Variants in DECR2 observed in about 807,000 individuals in gnomAD.
DECR2 encodes the protein peroxisomal 2,4-dienoyl-CoA reductase [(3E)-enoyl-CoA-producing].
In DECR2, 34 loss-of-function variants were observed where a neutral mutation model predicts 29.2. That is an observed-to-expected ratio of 1.16 (90% CI 0.89 to 1.55). The LOEUF is 1.55. Among genes scored for constraint, DECR2 ranks in the 40% most tolerant of loss-of-function variants. The pLI is 0.00. For synonymous variants in DECR2, 224 were observed against 182.7 expected (o/e 1.23, Z -1.82); for missense variants, 485 against 425.3 (o/e 1.14, Z -1.23).
At position 410,450 on chromosome 16, in the gene DECR2, C is replaced by T; in HGVS notation, c.462+83C>T. On this transcript the variant is annotated intron_variant, in intron 5 of 8. Coordinates refer to ENST00000219481, the MANE Select transcript of DECR2 (RefSeq NM_020664.4). This position sits in a 1 kb window ranked among gnomAD's most constrained non-coding sequence, Gnocchi z 4.1. The stretch of plus-strand genomic sequence containing the variant: ...GTGAGAAGTTCTTCCGGGTGGGTGC[C>T]TTGTGCGCTCTGTGAGAAGTTCTTC... 6.4e-7 allele frequency: 1 copy of T among 1,564,342 alleles called. No individual in the cohort carries two copies. Among genetic ancestry groups the T allele is most frequent in the Non-Finnish European group, 8.7e-7 (1 of 1,154,144 alleles).
rs143501415 is a variant in DECR2, at chr16:404,819, G to A, written c.81-137G>A. The A allele has an allele frequency of 4.5e-3, 3,418 of 763,372 alleles. 104 individuals carry two copies. In the East Asian group the frequency reaches 0.066, roughly 15 times the overall value. The allele number at this position is 763,372 out of a possible 1,614,324, so 47.3% of individuals were successfully genotyped here. On this transcript the variant is annotated intron_variant, in intron 1 of 8. Coordinates refer to ENST00000219481, the MANE Select transcript of DECR2 (RefSeq NM_020664.4). ...TGATTTTTGTATTTTTAGTAGAGAC[G>A]AGGTTTTACCATATTGTCCAAGCTG...
chr16:406,003 C>G (rs1019270223), intron 2 of DECR2, among the ~76,000 whole-genome samples: 7 of 152,334 alleles, frequency 4.6e-5, no homozygotes, highest in Admixed American at 3.9e-4. Flanking sequence ...TCCTCCACGC[C>G]AGCCCCACAG....
rs2054805055 is a variant in DECR2, at chr16:410,624, C to T, written c.463-67C>T. ...CCCCGGGCCTCCCCCTGACAGCCAC[C>T]CGCTCACTGTCCTGTGACCTCCCCC... On this transcript the variant is annotated intron_variant, in intron 5 of 8. Coordinates refer to ENST00000219481, the MANE Select transcript of DECR2 (RefSeq NM_020664.4). This position sits in a 1 kb window ranked among gnomAD's most constrained non-coding sequence, Gnocchi z 4.1. 1 of 1,481,570 alleles carries T rather than the reference C, an allele frequency of 6.7e-7. No homozygotes were observed. The highest frequency in any genetic ancestry group is 1.4e-5 in the African/African-American group (1 of 72,150). 91.8% of individuals were successfully genotyped at this position (1,481,570 alleles called of 1,614,324 possible).
rs774079592 is a variant in DECR2, at chr16:410,754, G to A, written c.526G>A (p.Val176Met). The A allele has an allele frequency of 1.9e-6, 3 of 1,605,430 alleles. No individual in the cohort carries two copies. The highest frequency in any genetic ancestry group is 3.4e-5 in the Admixed American group (2 of 59,122). ...GGGGAACCGGGGGCAGGCGCTCCAG[G>A]TGCATGCAGGCTCCGCCAAGGCCGC... The part of the protein sequence containing the change: ...TLGNRGQALQ[V>M]HAGSAKAAVD... The change falls in exon 6 of 9, where the codon GTG (valine) becomes ATG (methionine). Residue 176 changes from valine (V) to methionine (M), a missense_variant. Transcript: ENST00000219481. The surrounding 1 kb of genome is among the most constrained non-coding windows in gnomAD (Gnocchi z 4.1).
rs1201961478 is a variant in DECR2, at chr16:410,613, C to A, written c.463-78C>A. ...CCCGCTCCCTGCCCCGGGCCTCCCC[C>A]TGACAGCCACCCGCTCACTGTCCTG... On this transcript the variant is annotated intron_variant, in intron 5 of 8. Transcript: ENST00000219481. The surrounding 1 kb of genome is among the most constrained non-coding windows in gnomAD (Gnocchi z 4.1). 3 of 1,445,416 alleles carry A rather than the reference C, an allele frequency of 2.1e-6. No homozygotes were observed. The highest frequency in any genetic ancestry group is 2.4e-4 in the Middle Eastern group (1 of 4,144). 89.5% of individuals were successfully genotyped at this position (1,445,416 alleles called of 1,614,324 possible).
At chr16:405,098 GA>G in intron 2 of DECR2, 74 bp downstream of exon 2, 1 of 1,570,144 alleles carries the variant, frequency 6.4e-7, no homozygotes, top group East Asian at 2.2e-5. Context: ...CCGACCCCTG[GA>G]AAGATGTTGG....
At chr16:409,040 T>C (rs2054777977) in intron 4 of DECR2, among the ~76,000 whole-genome samples, 1 of 152,042 alleles carries the variant, frequency 6.6e-6, no homozygotes, top group Non-Finnish European at 1.5e-5. Context: ...TCATATTGTT[T>C]AGACTGGTCT....
At chr16:411,629 T>G in intron 8 of DECR2, 51 bp downstream of exon 8, 1 of 1,564,838 alleles carries the variant, frequency 6.4e-7, no homozygotes, top group Non-Finnish European at 8.7e-7. Context: ...TGGACGCTGG[T>G]CACTGCATGG....
intron 4 of DECR2, 34 bp downstream of exon 4, chr16:407,594 C>T: frequency 6.2e-7 from 1 of 1,611,020 alleles, no homozygotes; most frequent in Non-Finnish European, 8.5e-7. Context: ...GGTGGCTTCT[C>T]ACAGGTTGGT....
chr16:410,933 G>T lies in DECR2; in HGVS notation c.557-39G>T, dbSNP rs746811727. On this transcript the variant is annotated intron_variant, in intron 6 of 8. Coordinates refer to ENST00000219481, the MANE Select transcript of DECR2 (RefSeq NM_020664.4). The surrounding 1 kb of genome is among the most constrained non-coding windows in gnomAD (Gnocchi z 4.1). ...CCTTGGCCCTGCGCCCTCGCAGAGGGCAGAGCGGCCCTTTCATATCCAACT... is the reference window on the plus strand; with the variant it reads ...CCTTGGCCCTGCGCCCTCGCAGAGGTCAGAGCGGCCCTTTCATATCCAACT... 4.5e-6 allele frequency: 7 copies of T among 1,560,436 alleles called. No homozygotes were observed. The Admixed American group carries it at 1.3e-4, about 30-fold the overall frequency.
rs1373660819 is a variant in DECR2 at position 411,916 on chromosome 16, G to T, written c.*27G>T. 3.6e-5 allele frequency: 11 copies of T among 303,540 alleles called. No individual in the cohort carries two copies. The highest frequency in any genetic ancestry group is 6.1e-5 in the Non-Finnish European group (10 of 163,062). The allele number at this position is 303,540 out of a possible 1,614,324, so 18.8% of individuals were successfully genotyped here. A position where few individuals can be genotyped will look rare whatever the true frequency, so the allele number is the denominator to read the frequency against. ...AATCTTCCGGCCGCTGCTTCCTGCC[G>T]CCTCACTCAGCCAGGTGGAGAGCAC... On this transcript the variant is annotated 3_prime_UTR_variant, in exon 9 of 9. Coordinates refer to ENST00000219481, the MANE Select transcript of DECR2 (RefSeq NM_020664.4).
chr16:402,677 A>G (rs1157097465), intron 1 of DECR2, among the ~76,000 whole-genome samples: 1 of 151,104 alleles, frequency 6.6e-6, no homozygotes, highest in East Asian at 1.9e-4. Flanking sequence ...AACATTTTCA[A>G]GTTTCTATTA....
chr16:402,153 CT>C, intron 1 of DECR2, 110 bp downstream of exon 1: 1 of 851,170 alleles, frequency 1.2e-6, no homozygotes, highest in Non-Finnish European at 1.6e-6. Context: ...CCTGTCTTGC[CT>C]GGCTCCTTTC....
chr16:410,736 CG>C lies in DECR2; in HGVS notation c.513del (p.Gln172ArgfsTer17), dbSNP rs767867489. The C allele has an allele frequency of 6.2e-7, 1 of 1,607,852 alleles. No homozygotes were observed. Among genetic ancestry groups the C allele is most frequent in the Admixed American group, 1.7e-5 (1 of 59,502 alleles). On this transcript the variant is annotated frameshift_variant, in exon 6 of 9. Coordinates refer to ENST00000219481, the MANE Select transcript of DECR2 (RefSeq NM_020664.4). LOFTEE classifies it high-confidence loss of function. The surrounding 1 kb of genome is among the most constrained non-coding windows in gnomAD (Gnocchi z 4.1). ...GAACATCACTGCCACCCTGGGGAAC[CG>C]GGGGCAGGCGCTCCAGGTGCATGCA... ...IVNITATLGN[R>X]GQALQVHAGS...
intron 2 of DECR2, 118 bp downstream of exon 2, chr16:405,142 A>ATCTGG: frequency 7.8e-7 from 1 of 1,281,656 alleles, no homozygotes; most frequent in South Asian, 1.3e-5. Flanking sequence ...CACCTACCCG[A>ATCTGG]CAGGATCCAG....
At chr16:408,656 T>C (rs1268478845) in intron 4 of DECR2, among the ~76,000 whole-genome samples, 4 of 151,848 alleles carry the variant, frequency 2.6e-5, no homozygotes, top group Non-Finnish European at 4.4e-5. Context: ...TACAGACGTG[T>C]GCCATCACGC....
At chr16:403,105 TCTC>T in intron 1 of DECR2, 1 of 868,018 alleles carries the variant, frequency 1.2e-6, no homozygotes, top group African/African-American at 1.8e-5. Context: ...TTGAAGCAAT[TCTC>T]CTGCCTCAGC....
intron 4 of DECR2, among the ~76,000 whole-genome samples, chr16:408,593 C>T (rs2054772494): frequency 1.3e-5 from 2 of 151,530 alleles, no homozygotes; most frequent in African/African-American, 2.4e-5. Context: ...CTGCAGCCTC[C>T]ACCTTCTGGG....
chr16:411,788 C>CAG, intron 8 of DECR2, 102 bp from the exon 9 acceptor site: 1 of 521,704 alleles, frequency 1.9e-6, no homozygotes, highest in Non-Finnish European at 3.3e-6. Context: ...GCGGCCTCGG[C>CAG]CTCTGCCGGC....
Sources: gnomAD v4.1 joint callset for allele counts (sites outside exome capture counted in the v4.1 genomes callset) on GRCh38, gnomAD v4.1.1 for gene constraint, Gnocchi (gnomAD v3.1) non-coding constraint, MANE v1.5 for transcripts, NCBI Gene and HGNC (gene_info 2026-07-23, HGNC 2026-07-21) for gene names.